Variants in HHAT observed in about 807,000 individuals in gnomAD.
HHAT encodes hedgehog acyltransferase.
A neutral mutation model predicts 70.8 loss-of-function variants in HHAT; 47 were observed. The observed-to-expected ratio is 0.66, with a 90% CI of 0.53 to 0.85. HHAT has a LOEUF of 0.85. Ranked by LOEUF, HHAT falls within the 40% of genes least tolerant of loss-of-function variation. The pLI, the probability that HHAT is intolerant of heterozygous loss-of-function variation, is 0.00. For synonymous variants in HHAT, 228 were observed against 247.6 expected, an observed-to-expected ratio of 0.92 and a Z score of 0.74; for missense variants, 609 against 604.8, an observed-to-expected ratio of 1.01 and a Z score of -0.07.
At chr1:210,357,137 CT>C (rs1221740786) in intron 2 of HHAT, among the ~76,000 whole-genome samples, 1 of 152,194 alleles carries the variant, frequency 6.6e-6, no homozygotes, top group Non-Finnish European at 1.5e-5. Context: ...GAATCACTGT[CT>C]TCCTATTGGA....
rs896450531 is a variant in HHAT at position 210,634,386 on chromosome 1, G to T, written c.1390+10716G>T. On this transcript the variant is annotated intron_variant, in intron 11 of 11. Transcript: ENST00000261458. ...AGATGGGACCACTCTCATTTGTCTT[G>T]GTTCCAAGCTGGGTCGCCTCAGTGA... 1.8e-4 allele frequency among the ~76,000 whole-genome samples: 27 copies of T among 152,186 alleles called. 1 individual carries two copies. Among genetic ancestry groups the T allele is most frequent in the African/African-American group, 5.8e-4 (24 of 41,444 alleles).
At chr1:210,650,412 C>G (rs1476416827) in intron 11 of HHAT, among the ~76,000 whole-genome samples, 1 of 152,124 alleles carries the variant, frequency 6.6e-6, no homozygotes, top group Non-Finnish European at 1.5e-5. Flanking sequence ...CATCTTACTC[C>G]TTTCTTCTTT....
At chr1:210,428,615 GCTT>G (rs886793676) in intron 7 of HHAT, among the ~76,000 whole-genome samples, 2 of 147,908 alleles carry the variant, frequency 1.4e-5, no homozygotes, top group Admixed American at 6.8e-5. Flanking sequence ...CTATCACCTG[GCTT>G]CTTATAATGT....
intron 8 of HHAT, among the ~76,000 whole-genome samples, chr1:210,498,167 G>A (rs910944592): frequency 6.6e-6 from 1 of 152,138 alleles, no homozygotes; most frequent in African/African-American, 2.4e-5. Flanking sequence ...CTCAGTAAAT[G>A]TAAAGAAATT....
At chr1:210,528,613 G>T (rs188648931) in intron 9 of HHAT, among the ~76,000 whole-genome samples, 60 of 152,302 alleles carry the variant, frequency 3.9e-4, no homozygotes, top group African/African-American at 1.3e-3. Flanking sequence ...ACTAGCAAAT[G>T]CATAGTATAG....
intron 10 of HHAT, among the ~76,000 whole-genome samples, chr1:210,606,843 T>C (rs1665553165): frequency 6.6e-6 from 1 of 152,218 alleles, no homozygotes; most frequent in African/African-American, 2.4e-5. Flanking sequence ...TTTGAAGATA[T>C]TATCTGTCTT....
chr1:210,588,488 CTTTTTAAGT>C (rs1197672838), intron 10 of HHAT: 1 of 164,742 alleles, frequency 6.1e-6, no homozygotes, highest in African/African-American at 2.4e-5. Flanking sequence ...TCGGGACCAC[CTTTTTAAGT>C]CACTGAGTCC....
intron 9 of HHAT, among the ~76,000 whole-genome samples, chr1:210,533,353 C>T (rs1318782092): frequency 8.0e-5 from 1 of 12,506 alleles, no homozygotes; most frequent in African/African-American, 1.1e-4. Flanking sequence ...AAATGGGGCT[C>T]GTTTGTTGGT....
At chr1:210,394,756 G>A (rs141095658) in intron 4 of HHAT, among the ~76,000 whole-genome samples, 1 of 152,238 alleles carries the variant, frequency 6.6e-6, no homozygotes, top group East Asian at 1.9e-4. Flanking sequence ...CCTCTGGAAG[G>A]CTGCAGGGAG....
chr1:210,512,916 T>C (rs2094984607), intron 8 of HHAT, among the ~76,000 whole-genome samples: 1 of 152,090 alleles, frequency 6.6e-6, no homozygotes, highest in African/African-American at 2.4e-5. Context: ...TAAGTTTAAT[T>C]GCCGGGCTCC....
intron 11 of HHAT, among the ~76,000 whole-genome samples, chr1:210,663,176 T>C (rs1295554938): frequency 1.3e-5 from 2 of 152,170 alleles, no homozygotes; most frequent in Admixed American, 6.5e-5. Flanking sequence ...TGCTCATCTA[T>C]GCTTTCTCTG....
chr1:210,593,601 CT>C (rs1467990594), intron 10 of HHAT, among the ~76,000 whole-genome samples: 1 of 152,066 alleles, frequency 6.6e-6, no homozygotes, highest in Non-Finnish European at 1.5e-5. Flanking sequence ...ATGGTCTATC[CT>C]TGATAAAGAT....
chr1:210,636,670 G>A (rs1671923769), intron 11 of HHAT, among the ~76,000 whole-genome samples: 1 of 152,102 alleles, frequency 6.6e-6, no homozygotes, highest in African/African-American at 2.4e-5. Flanking sequence ...TTCTCCCAGT[G>A]GTAGTATTGG....
intron 10 of HHAT, among the ~76,000 whole-genome samples, chr1:210,601,246 C>T (rs574600480): frequency 1.3e-5 from 2 of 152,120 alleles, no homozygotes; most frequent in Admixed American, 6.6e-5. Flanking sequence ...TCAACGTGAT[C>T]CAAACTATGG....
intron 7 of HHAT, among the ~76,000 whole-genome samples, chr1:210,454,275 C>T (rs1449105103): frequency 6.6e-6 from 1 of 152,088 alleles, no homozygotes; most frequent in Non-Finnish European, 1.5e-5. Context: ...TCCCTTCGGC[C>T]GGGCACGGTG....
chr1:210,604,203 T>C (rs1033299439), intron 10 of HHAT, among the ~76,000 whole-genome samples: 1 of 151,556 alleles, frequency 6.6e-6, no homozygotes, highest in African/African-American at 2.4e-5. Flanking sequence ...CTTCAGCCTC[T>C]CGAGTAGTTG....
intron 5 of HHAT, 111 bp from the exon 6 acceptor site, chr1:210,404,353 G>GC (rs2092233526): frequency 7.7e-6 from 6 of 782,510 alleles, no homozygotes; most frequent in African/African-American, 5.2e-5. Flanking sequence ...CCTTCCCAGA[G>GC]CCCCCTGGGA....
intron 3 of HHAT, among the ~76,000 whole-genome samples, chr1:210,365,309 G>GTTTTTT (rs4027290): frequency 0.02 from 1,533 of 78,358 alleles, 145 homozygotes; most frequent in African/African-American, 0.021. Flanking sequence ...ACTGCTGACA[G>GTTTTTT]TTTTTTTTTT....
chr1:210,583,545 AT>A (rs576718115), intron 9 of HHAT, among the ~76,000 whole-genome samples: 1 of 152,222 alleles, frequency 6.6e-6, no homozygotes, highest in Non-Finnish European at 1.5e-5. Flanking sequence ...AGATGGTAGA[AT>A]TTGTAAAAGA....
Sources: allele counts gnomAD v4.1 joint callset (sites outside exome capture counted in the v4.1 genomes callset), GRCh38; gene constraint gnomAD v4.1.1; transcripts MANE v1.5; gene names NCBI Gene and HGNC (gene_info 2026-07-23, HGNC 2026-07-21).